The following SPATA32 variants were observed in gnomAD, a reference collection of about 807,000 sequenced individuals.
SPATA32 encodes the protein spermatogenesis associated 32, also known as spermatogenesis-associated protein 32.
SPATA32 carries 28 observed loss-of-function variants against 35.4 expected under a neutral mutation model. The observed-to-expected ratio is 0.79, with a 90% CI of 0.59 to 1.09. The LOEUF (loss-of-function observed/expected upper bound fraction) is 1.09. Among genes scored for constraint, SPATA32 ranks in the 50% least tolerant of loss-of-function variants. SPATA32 has a pLI of 0.00. For missense variants in SPATA32, 409 were observed against 475.9 expected (o/e 0.86, Z 1.31); for synonymous variants, 168 against 196.3 (o/e 0.86, Z 1.20).
At position 45,255,784 on chromosome 17, in the gene SPATA32, C is replaced by T; in HGVS notation, c.398G>A (p.Cys133Tyr). 1 of 1,614,004 alleles carries T rather than the reference C, an allele frequency of 6.2e-7. No individual in the cohort carries two copies. Among genetic ancestry groups the T allele is most frequent in the Non-Finnish European group, 8.5e-7 (1 of 1,179,940 alleles). Residue 133 changes from cysteine to tyrosine, a missense_variant, in exon 4 of 5, where the codon TGC becomes TAC. Transcript: ENST00000331780. The surrounding 1 kb of genome is among the most constrained non-coding windows in gnomAD (Gnocchi z 5.4). ...GTGGTTCTCCTCCGTGAAACTCCGG[C>T]AGTTTGAATTCAGACTCCACGGTCT... ...TFRPWSLNSN[C>Y]RSFTEENHVS... is the part of the protein sequence containing the mutation.
intron 1 of SPATA32, chr17:45,259,743 TC>T (rs2043988209): frequency 6.6e-6 from 1 of 152,154 alleles, no homozygotes; most frequent in Admixed American, 6.5e-5. Context: ...GGTCTTGAAC[TC>T]CTGGGCTCAA....
Position 45,262,069 on chromosome 17 carries a change from C to T in SPATA32, c.-53G>A. 1 of 1,310,496 alleles carries T rather than the reference C, an allele frequency of 7.6e-7. No individual in the cohort carries two copies. The highest frequency in any genetic ancestry group is 9.8e-7 in the Non-Finnish European group (1 of 1,021,010). 81.2% of individuals were successfully genotyped at this position (1,310,496 alleles called of 1,614,324 possible). A position where few individuals can be genotyped will look rare whatever the true frequency, so the allele number is the denominator to read the frequency against. On this transcript the variant is annotated 5_prime_UTR_variant, in exon 1 of 5. Transcript: ENST00000331780. Reference sequence around the variant, plus strand: ...GGGAGCGGGCTGGTGGATGCTGCCTCTCCGCCTCCAGTGTGCTCTTTGGCT... The same window carrying T: ...GGGAGCGGGCTGGTGGATGCTGCCTTTCCGCCTCCAGTGTGCTCTTTGGCT...
chr17:45,257,215 G>A lies in SPATA32; in HGVS notation c.14-8C>T. Reference sequence around the variant, plus strand: ...ATGGAAATCCATGGGCACCTGACAGGGGAAAGGAGGTGAGGGCAGGGAGCT... The same window carrying A: ...ATGGAAATCCATGGGCACCTGACAGAGGAAAGGAGGTGAGGGCAGGGAGCT... On this transcript the variant is annotated splice_polypyrimidine_tract_variant and splice_region_variant and intron_variant, in intron 1 of 4. Coordinates refer to ENST00000331780, the MANE Select transcript of SPATA32 (RefSeq NM_152343.3). 6.2e-7 allele frequency: 1 copy of A among 1,608,332 alleles called. No homozygotes were observed. The highest frequency in any genetic ancestry group is 2.2e-5 in the East Asian group (1 of 44,598).
intron 1 of SPATA32, chr17:45,259,844 T>C (rs2043989184): frequency 1.3e-5 from 2 of 152,170 alleles, no homozygotes; most frequent in African/African-American, 4.8e-5. Flanking sequence ...AAATGTTAAA[T>C]CAGCCTTGCG....
At chr17:45,258,166 G>A (rs1199374532) in intron 1 of SPATA32, among the ~76,000 whole-genome samples, 2 of 152,192 alleles carry the variant, frequency 1.3e-5, no homozygotes, top group East Asian at 3.8e-4. Context: ...TCTCTTCCTA[G>A]AGATGTAGTG....
At chr17:45,257,427 G>A (rs2043968672) in intron 1 of SPATA32, among the ~76,000 whole-genome samples, 1 of 152,100 alleles carries the variant, frequency 6.6e-6, no homozygotes, top group South Asian at 2.1e-4. Context: ...CCTCCTCGGA[G>A]GCTCCCGGTT....
chr17:45,259,212 C>T (rs964045637), intron 1 of SPATA32, among the ~76,000 whole-genome samples: 12 of 152,100 alleles, frequency 7.9e-5, no homozygotes, highest in East Asian at 3.9e-4. Flanking sequence ...ATCCTCGCTT[C>T]GTTCTGAGCT....
chr17:45,255,769 T>C lies in SPATA32; in HGVS notation c.413A>G (p.Glu138Gly). Residue 138 changes from glutamate to glycine, a missense_variant, in exon 4 of 5, where the codon GAG becomes GGG. Glu to Gly is a moderately conservative substitution (Grantham distance 98). Transcript: ENST00000331780. This position sits in a 1 kb window ranked among gnomAD's most constrained non-coding sequence, Gnocchi z 5.4. The part of the protein sequence containing the change: ...SLNSNCRSFT[E>G]ENHVSACHHS... ...ATGGCAGGCAGACACGTGGTTCTCC[T>C]CCGTGAAACTCCGGCAGTTTGAATT... 1 of 1,614,044 alleles carries C rather than the reference T, an allele frequency of 6.2e-7. No individual in the cohort carries two copies. Among genetic ancestry groups the C allele is most frequent in the Non-Finnish European group, 8.5e-7 (1 of 1,179,934 alleles).
chr17:45,258,494 A>C (rs1479328559), intron 1 of SPATA32, among the ~76,000 whole-genome samples: 1 of 152,180 alleles, frequency 6.6e-6, no homozygotes, highest in Non-Finnish European at 1.5e-5. Flanking sequence ...GGACAGGAGA[A>C]GAAATTACTG....
At chr17:45,259,792 A>G (rs2043988757) in intron 1 of SPATA32, 1 of 151,888 alleles carries the variant, frequency 6.6e-6, no homozygotes, top group African/African-American at 2.4e-5. Context: ...GTGCTAGATT[A>G]TAGGTGTGAG....
Position 45,256,026 on chromosome 17 carries a change from C to G in SPATA32, c.156G>C (p.Leu52=). 6.2e-7 allele frequency: 1 copy of G among 1,613,070 alleles called. No homozygotes were observed. Residue 52 remains leucine (L), a synonymous_variant, in exon 4 of 5, where the codon CTG becomes CTC. Coordinates refer to ENST00000331780, the MANE Select transcript of SPATA32 (RefSeq NM_152343.3). The surrounding 1 kb of genome is among the most constrained non-coding windows in gnomAD (Gnocchi z 4.7). ...LEQKPQLQVD[L]DLDPDPDPDP... is the part of the protein sequence containing the mutation. ...CTGGGTCTGGGTCTGGGTCCAGGTCCAGGTCCACTTGGAGTTGGGGCTTCT... is the reference window on the plus strand; with the variant it reads ...CTGGGTCTGGGTCTGGGTCCAGGTCGAGGTCCACTTGGAGTTGGGGCTTCT...
chr17:45,255,061 T>G lies in SPATA32; in HGVS notation c.1067+54A>C, dbSNP rs186548325. 1.9e-6 allele frequency: 3 copies of G among 1,561,624 alleles called. No homozygotes were observed. The African/African-American group carries it at 4.1e-5, about 21-fold the overall frequency. ...CCCTACCCAGCTGTGTGAGGACCCC[T>G]GCCACGTTCTAGCACAGCCCCTCTA... On this transcript the variant is annotated intron_variant, in intron 4 of 4. Coordinates refer to ENST00000331780, the MANE Select transcript of SPATA32 (RefSeq NM_152343.3). The surrounding 1 kb of genome is among the most constrained non-coding windows in gnomAD (Gnocchi z 5.4).
rs1322174161 is a variant in SPATA32 at position 45,256,470 on chromosome 17, AG to A, written c.69-56del. 1.3e-5 allele frequency: 20 copies of A among 1,535,122 alleles called. No individual in the cohort carries two copies. The highest frequency in any genetic ancestry group is 1.8e-5 in the Non-Finnish European group (20 of 1,108,082). On this transcript the variant is annotated intron_variant, in intron 2 of 4. Coordinates refer to ENST00000331780, the MANE Select transcript of SPATA32 (RefSeq NM_152343.3). The surrounding 1 kb of genome is among the most constrained non-coding windows in gnomAD (Gnocchi z 4.7). ...GGGGATCTGTGGGGCTTCAGCGGGA[AG>A]GGGGTTTCTGGGGCCCTCAAAGCCC...
In SPATA32 at chr17:45,255,394, T is replaced by A; in HGVS notation, c.788A>T (p.His263Leu). 1 of 1,614,168 alleles carries A rather than the reference T, an allele frequency of 6.2e-7. No individual in the cohort carries two copies. The highest frequency in any genetic ancestry group is 8.5e-7 in the Non-Finnish European group (1 of 1,180,032). The change falls in exon 4 of 5, where the codon CAC (histidine) becomes CTC (leucine). Residue 263 changes from histidine (H) to leucine (L), a missense_variant. Coordinates refer to ENST00000331780, the MANE Select transcript of SPATA32 (RefSeq NM_152343.3). This position sits in a 1 kb window ranked among gnomAD's most constrained non-coding sequence, Gnocchi z 5.4. ...SSRMDLPSLEHMMKAPPQEAL... is the reference protein window; with the variant it reads ...SSRMDLPSLELMMKAPPQEAL... The stretch of plus-strand genomic sequence containing the variant: ...CTCCTGGGGTGGAGCTTTCATCATG[T>A]GTTCCAAACTGGGCAGGTCCATCCT...
intron 1 of SPATA32, among the ~76,000 whole-genome samples, chr17:45,261,554 A>C (rs986050356): frequency 2.0e-5 from 3 of 152,194 alleles, no homozygotes; most frequent in African/African-American, 4.8e-5. Flanking sequence ...CAAGGCATCA[A>C]CGAAGCGCTC....
At chr17:45,259,782 GT>G (rs1204441042) in intron 1 of SPATA32, 6 of 152,070 alleles carry the variant, frequency 3.9e-5, no homozygotes, top group Non-Finnish European at 5.9e-5. Context: ...GCCTCCCAAA[GT>G]GCTAGATTAT....
chr17:45,259,268 G>C (rs2143732037), intron 1 of SPATA32, among the ~76,000 whole-genome samples: 1 of 152,290 alleles, frequency 6.6e-6, no homozygotes, highest in South Asian at 2.1e-4. Flanking sequence ...GATGCTAGCT[G>C]TAGGTTTCTT....
Position 45,255,269 on chromosome 17 carries a change from C to T in SPATA32, c.913G>A (p.Ala305Thr). ...TCCTGACTCCAAGATTTCAGTGGTG[C>T]TCTGGCTTCGCGTGGTTTCTCTGGC... ...TLPEKPREARAPLKSWSQEDK... is the reference protein window; with the variant it reads ...TLPEKPREARTPLKSWSQEDK... The change falls in exon 4 of 5, where the codon GCA becomes ACA. Residue 305 changes from alanine (A) to threonine (T), a missense_variant. Transcript: ENST00000331780. The surrounding 1 kb of genome is among the most constrained non-coding windows in gnomAD (Gnocchi z 5.4). 1 of 1,614,200 alleles carries T rather than the reference C, an allele frequency of 6.2e-7. No homozygotes were observed. The highest frequency in any genetic ancestry group is 8.5e-7 in the Non-Finnish European group (1 of 1,180,048).
At chr17:45,258,721 G>A (rs939768203) in intron 1 of SPATA32, among the ~76,000 whole-genome samples, 1 of 149,544 alleles carries the variant, frequency 6.7e-6, no homozygotes, top group Non-Finnish European at 1.5e-5. Context: ...TGTAACCTCC[G>A]CCTCCTGAGA....
Sources: allele counts gnomAD v4.1 joint callset (sites outside exome capture counted in the v4.1 genomes callset), GRCh38; gene constraint gnomAD v4.1.1; non-coding constraint Gnocchi (gnomAD v3.1); transcripts MANE v1.5; gene names NCBI Gene and HGNC (gene_info 2026-07-23, HGNC 2026-07-21).